Variants in PPFIA2 observed in about 807,000 individuals in gnomAD.
PPFIA2 encodes PPFI scaffold protein A2.
A neutral mutation model predicts 175.5 loss-of-function variants in PPFIA2; 46 were observed. The ratio of observed to expected loss-of-function variants is 0.26; its 90% CI spans 0.21 to 0.34. The LOEUF (loss-of-function observed/expected upper bound fraction) is 0.34. Among genes scored for constraint, PPFIA2 ranks in the 10% least tolerant of loss-of-function variants. PPFIA2 has a pLI of 1.00. For missense variants in PPFIA2, 1,179 were observed against 1,506.1 expected (o/e 0.78, Z 3.60); for synonymous variants, 568 against 511.4 (o/e 1.11, Z -1.49).
chr12:81,487,663 C>G (rs757443566), intron 4 of PPFIA2, among the ~76,000 whole-genome samples: 4 of 151,672 alleles, frequency 2.6e-5, no homozygotes, highest in Admixed American at 6.6e-5. Context: ...ATATCTCACA[C>G]CCATGCTTTC....
intron 4 of PPFIA2, among the ~76,000 whole-genome samples, chr12:81,518,977 G>T (rs1006026662): frequency 2.5e-4 from 38 of 152,196 alleles, no homozygotes; most frequent in African/African-American, 9.1e-4. Flanking sequence ...AAGCCTATTT[G>T]ATCTACTCAT....
intron 22 of PPFIA2, among the ~76,000 whole-genome samples, chr12:81,325,537 A>G (rs540066652): frequency 6.6e-6 from 1 of 152,268 alleles, no homozygotes; most frequent in African/African-American, 2.4e-5. Flanking sequence ...AAACAAATCT[A>G]TGGATGGTTA....
chr12:81,756,548 A>G (rs1384064455), intron 2 of PPFIA2, among the ~76,000 whole-genome samples: 1 of 152,134 alleles, frequency 6.6e-6, no homozygotes, highest in African/African-American at 2.4e-5. Context: ...AAAGTCTATT[A>G]AATCTACACT....
intron 32 of PPFIA2, 53 bp from the exon 33 acceptor site, chr12:81,259,713 A>G (rs2034714697): frequency 6.8e-7 from 1 of 1,477,472 alleles, no homozygotes. Flanking sequence ...AGACTGGGAA[A>G]TCTCATTCTA....
chr12:81,508,250 G>A (rs2061391199), intron 4 of PPFIA2, among the ~76,000 whole-genome samples: 1 of 151,888 alleles, frequency 6.6e-6, no homozygotes, highest in Admixed American at 6.6e-5. Flanking sequence ...GGCCGGGCAC[G>A]GTGGGTCACG....
intron 4 of PPFIA2, among the ~76,000 whole-genome samples, chr12:81,671,326 T>C (rs1344011014): frequency 1.3e-5 from 2 of 151,912 alleles, no homozygotes; most frequent in African/African-American, 4.8e-5. Flanking sequence ...AATCCATTCT[T>C]CTCCATTCTT....
intron 7 of PPFIA2, among the ~76,000 whole-genome samples, chr12:81,432,972 C>CA (rs200428758): frequency 1.3e-4 from 19 of 150,134 alleles, no homozygotes; most frequent in Middle Eastern, 3.4e-3. Context: ...CAAACATTAA[C>CA]AAAAAAAACC....
intron 4 of PPFIA2, among the ~76,000 whole-genome samples, chr12:81,563,366 TTC>T (rs2070610097): frequency 6.6e-6 from 1 of 152,218 alleles, no homozygotes; most frequent in East Asian, 1.9e-4. Flanking sequence ...TGTCTTAGAT[TTC>T]TCTTTTCCAC....
intron 16 of PPFIA2, 26 bp downstream of exon 16, chr12:81,358,056 A>C (rs1233996419): frequency 6.5e-7 from 1 of 1,542,760 alleles, no homozygotes; most frequent in Non-Finnish European, 8.7e-7. Context: ...ATAAAACTAG[A>C]GAAGAGTTGA....
At position 81,565,041 on chromosome 12, in the gene PPFIA2, G is replaced by T. The variant is rs181252389; in HGVS notation, c.304-107175C>A. Among the ~76,000 whole-genome samples, 3 of 152,272 alleles carry T rather than the reference G, an allele frequency of 2.0e-5. No individual in the cohort carries two copies. The East Asian group carries it at 5.8e-4, about 29-fold the overall frequency. ...CAACTCGGAATGGGGATGTGTGGGA[G>T]GACCCTGATAAAGCTGGAGATACTG... On this transcript the variant is annotated intron_variant, in intron 4 of 32. Coordinates refer to ENST00000549396, the MANE Select transcript of PPFIA2 (RefSeq NM_003625.5).
rs900274879 is a variant in PPFIA2, at chr12:81,392,501, C to T, written c.763-8257G>A. ...TCACCTGTGGAGTGAAGTAGGGGGT[C>T]GTCAAAGATGACTAATAACGTCTTT... On this transcript the variant is annotated intron_variant, in intron 8 of 32. Transcript: ENST00000549396. Among the ~76,000 whole-genome samples, 5 of 151,754 alleles carry T rather than the reference C, an allele frequency of 3.3e-5. No individual in the cohort carries two copies. The East Asian group carries it at 7.8e-4, about 24-fold the overall frequency.
intron 3 of PPFIA2, among the ~76,000 whole-genome samples, chr12:81,729,163 T>C (rs1265873858): frequency 2.6e-5 from 4 of 151,472 alleles, no homozygotes; most frequent in Non-Finnish European, 5.9e-5. Flanking sequence ...AAAGATCTGT[T>C]TTTTTATAGG....
intron 3 of PPFIA2, among the ~76,000 whole-genome samples, chr12:81,717,910 G>A (rs1042824127): frequency 5.9e-5 from 9 of 151,666 alleles, no homozygotes; most frequent in African/African-American, 1.2e-4. Context: ...TCAGACTACC[G>A]TCAAATTGAT....
At chr12:81,671,368 T>G (rs528870593) in intron 4 of PPFIA2, among the ~76,000 whole-genome samples, 1 of 152,084 alleles carries the variant, frequency 6.6e-6, no homozygotes, top group African/African-American at 2.4e-5. Flanking sequence ...ATTAACCATC[T>G]AATTTTTTTA....
At chr12:81,693,941 G>A (rs1355297427) in intron 3 of PPFIA2, among the ~76,000 whole-genome samples, 2 of 152,034 alleles carry the variant, frequency 1.3e-5, no homozygotes, top group African/African-American at 4.8e-5. Flanking sequence ...ACTAAAGAGT[G>A]ATGATTAGGG....
At chr12:81,340,054 T>C (rs2057792671) in intron 20 of PPFIA2, among the ~76,000 whole-genome samples, 1 of 152,144 alleles carries the variant, frequency 6.6e-6, no homozygotes, top group Admixed American at 6.6e-5. Flanking sequence ...TCTATAGTTG[T>C]TAATTTTATA....
intron 4 of PPFIA2, chr12:81,535,401 GAAAGAC>G (rs1457353610): frequency 4.4e-6 from 2 of 455,232 alleles, no homozygotes; most frequent in Non-Finnish European, 8.8e-6. Context: ...AACAACACTT[GAAAGAC>G]AAGATGGTAC....
chr12:81,443,785 CT>C, intron 6 of PPFIA2, among the ~76,000 whole-genome samples: 1 of 143,266 alleles, frequency 7.0e-6, no homozygotes, highest in Non-Finnish European at 1.5e-5. Flanking sequence ...CTTAGAGTAT[CT>C]TTCTCTGCTT....
intron 3 of PPFIA2, among the ~76,000 whole-genome samples, chr12:81,706,734 A>G (rs1470009223): frequency 1.3e-5 from 2 of 152,188 alleles, no homozygotes; most frequent in African/African-American, 4.8e-5. Flanking sequence ...ATCCTAAGCC[A>G]AAAGAACAAA....
Sources: allele counts gnomAD v4.1 joint callset (sites outside exome capture counted in the v4.1 genomes callset), GRCh38; gene constraint gnomAD v4.1.1; transcripts MANE v1.5; gene names NCBI Gene and HGNC (gene_info 2026-07-23, HGNC 2026-07-21).